The following TNS1 variants were observed in gnomAD, a reference collection of about 807,000 sequenced individuals.
TNS1 encodes tensin 1, also known as tensin-1.
A neutral mutation model predicts 168.6 loss-of-function variants in TNS1; 62 were observed. That is an observed-to-expected ratio of 0.37 (90% CI 0.30 to 0.45). The LOEUF is 0.45. Among genes scored for constraint, TNS1 ranks in the 20% least tolerant of loss-of-function variants. The pLI, the probability that TNS1 is intolerant of heterozygous loss-of-function variation, is 1.00. For missense variants in TNS1, 2,240 were observed against 2,339.4 expected (o/e 0.96, Z 0.88); for synonymous variants, 934 against 933.2 (o/e 1.00, Z -0.02).
chr2:217,892,249 G>A (rs1951817135), intron 11 of TNS1, among the ~76,000 whole-genome samples: 1 of 152,066 alleles, frequency 6.6e-6, no homozygotes, highest in African/African-American at 2.4e-5. Flanking sequence ...ACAGGCACCT[G>A]CCCCACCATG....
intron 6 of TNS1, chr2:217,905,375 G>A: frequency 2.2e-6 from 1 of 452,416 alleles, no homozygotes; most frequent in Non-Finnish European, 4.4e-6. Context: ...TCCATGGGAT[G>A]CTGCCGCTTT....
At chr2:217,854,618 T>A (rs1368110577) in intron 18 of TNS1, among the ~76,000 whole-genome samples, 1 of 151,664 alleles carries the variant, frequency 6.6e-6, no homozygotes, top group African/African-American at 2.4e-5. Flanking sequence ...AAAGGAGGAG[T>A]GGGGAATCCA....
At chr2:217,860,467 AAACTATTG>A (rs1387624803) in intron 18 of TNS1, among the ~76,000 whole-genome samples, 48 of 152,258 alleles carry the variant, frequency 3.2e-4, no homozygotes, top group African/African-American at 1.1e-3. Context: ...CAGTTTGGAC[AAACTATTG>A]CAATTATCCT....
At position 217,821,839 on chromosome 2, in the gene TNS1, G is replaced by C. The variant is rs1469642761; in HGVS notation, c.3473C>G (p.Ala1158Gly). ...CCTCAGGGGTATCTCATGGCCATAG[G>C]CCTGGGTGGCTGGAGCACTAAAGCT... ...PKSFSAPATQ[A>G]YGHEIPLRNG... The change falls in exon 23 of 33, where the codon GCC becomes GGC. Residue 1158 changes from alanine (A) to glycine (G), a missense_variant. By Grantham distance (60) the Ala-to-Gly change is moderately conservative. Transcript: ENST00000682258. The C allele has an allele frequency of 1.3e-6, 2 of 1,583,444 alleles. No individual in the cohort carries two copies. The highest frequency in any genetic ancestry group is 2.7e-5 in the African/African-American group (2 of 73,704).
chr2:217,923,818 G>T (rs1955862560), intron 3 of TNS1, among the ~76,000 whole-genome samples: 1 of 152,232 alleles, frequency 6.6e-6, no homozygotes, highest in African/African-American at 2.4e-5. Flanking sequence ...TCTGGAGGCT[G>T]CGAGGTGGAG....
Position 217,848,905 on chromosome 2 carries a change from T to C in TNS1, c.1612A>G (p.Thr538Ala), listed in dbSNP as rs1045407127. ...SSDSGNSTAS[T>A]KTDKTDEPVP... is the part of the protein sequence containing the mutation. Reference sequence around the variant, plus strand: ...GGCTCGTCGGTCTTGTCGGTCTTGGTGGAGGCTGTGGAGTTGCCCGAGTCG... The same window carrying C: ...GGCTCGTCGGTCTTGTCGGTCTTGGCGGAGGCTGTGGAGTTGCCCGAGTCG... Residue 538 changes from threonine (T) to alanine (A), a missense_variant, in exon 19 of 33, where the codon ACC becomes GCC. Transcript: ENST00000682258. The C allele has an allele frequency of 3.1e-6, 5 of 1,614,004 alleles. No homozygotes were observed. In the African/African-American group the frequency reaches 5.3e-5, roughly 17 times the overall value.
intron 21 of TNS1, among the ~76,000 whole-genome samples, chr2:217,834,874 C>T (rs951576727): frequency 6.6e-5 from 10 of 152,162 alleles, no homozygotes; most frequent in South Asian, 2.1e-4. Flanking sequence ...AAAACTGGGG[C>T]GGCTGCACCC....
At chr2:218,028,349 G>A (rs549287541) in intron 1 of TNS1, among the ~76,000 whole-genome samples, 11 of 152,222 alleles carry the variant, frequency 7.2e-5, no homozygotes, top group Admixed American at 2.6e-4. Flanking sequence ...GCTCCACCCC[G>A]TACAGCAGGC....
At chr2:217,867,778 T>C (rs934538013) in intron 18 of TNS1, among the ~76,000 whole-genome samples, 2 of 152,352 alleles carry the variant, frequency 1.3e-5, no homozygotes, top group East Asian at 3.9e-4. Flanking sequence ...TCTCCAGATA[T>C]TTGTCTGGCC....
Position 217,813,198 on chromosome 2 carries a change from G to A in TNS1, c.4954+17C>T, listed in dbSNP as rs749389132. 3.8e-6 allele frequency: 6 copies of A among 1,584,130 alleles called. No individual in the cohort carries two copies. Among genetic ancestry groups the A allele is most frequent in the Non-Finnish European group, 5.2e-6 (6 of 1,159,896 alleles). Reference sequence around the variant, plus strand: ...CTCAGGCCAGACTGTAGAGATGGGGGCAGGGGGACAGCTCACCGAAGTTTG... The same window carrying A: ...CTCAGGCCAGACTGTAGAGATGGGGACAGGGGGACAGCTCACCGAAGTTTG... On this transcript the variant is annotated intron_variant, in intron 27 of 32. Coordinates refer to ENST00000682258, the MANE Select transcript of TNS1 (RefSeq NM_001387777.1). This position sits in a 1 kb window ranked among gnomAD's most constrained non-coding sequence, Gnocchi z 4.0.
rs151234211 is a variant in TNS1 at position 217,820,382 on chromosome 2, C to T, written c.3572+1358G>A. ...GGCCAGAGTCAGGCCTCCTGAGCAA[C>T]GCAGGCTGCTGCCTGTTAAGAGGCT... is the stretch of plus-strand genomic sequence containing the variant. On this transcript the variant is annotated intron_variant, in intron 23 of 32. Coordinates refer to ENST00000682258, the MANE Select transcript of TNS1 (RefSeq NM_001387777.1). Among the ~76,000 whole-genome samples, 18 of 152,300 alleles carry T rather than the reference C, an allele frequency of 1.2e-4. No homozygotes were observed. The East Asian group carries it at 2.3e-3, about 20-fold the overall frequency.
At chr2:217,849,110 G>C (rs1234281280) in intron 18 of TNS1, 23 bp from the exon 19 acceptor site, 2 of 1,594,484 alleles carry the variant, frequency 1.3e-6, no homozygotes, top group Non-Finnish European at 1.7e-6. Context: ...GAGCCGGAGG[G>C]GAGACAACAG....
intron 4 of TNS1, among the ~76,000 whole-genome samples, chr2:217,914,098 G>T (rs889344984): frequency 2.0e-5 from 3 of 151,924 alleles, no homozygotes; most frequent in Admixed American, 2.0e-4. Flanking sequence ...TCTTCTATTT[G>T]TTCCAGACTT....
intron 23 of TNS1, among the ~76,000 whole-genome samples, chr2:217,821,477 C>A (rs1942834989): frequency 6.6e-6 from 1 of 152,154 alleles, no homozygotes; most frequent in Admixed American, 6.5e-5. Flanking sequence ...ACCGTGGTAC[C>A]CTTCACTCCT....
chr2:218,011,047 A>G (rs1040709210), upstream of TNS1, among the ~76,000 whole-genome samples: 1 of 151,992 alleles, frequency 6.6e-6, no homozygotes, highest in Non-Finnish European at 1.5e-5. Context: ...GTTGGAAGGG[A>G]CCCTGCCTGG....
chr2:217,839,162 C>A (rs1193641503), intron 19 of TNS1, among the ~76,000 whole-genome samples: 1 of 151,988 alleles, frequency 6.6e-6, no homozygotes, highest in African/African-American at 2.4e-5. Flanking sequence ...CTCAGAACCT[C>A]TAGGGCCAGC....
In TNS1 at chr2:217,848,329, T is replaced by C; in HGVS notation, c.2188A>G (p.Thr730Ala). 1 of 1,537,290 alleles carries C rather than the reference T, an allele frequency of 6.5e-7. No individual in the cohort carries two copies. Residue 730 changes from threonine to alanine, a missense_variant, in exon 19 of 33, where the codon ACC (threonine) becomes GCC (alanine). Transcript: ENST00000682258. Reference protein sequence around the residue: ...GPHPAWPQPVTTSHYAHDPSG... With the variant: ...GPHPAWPQPVATSHYAHDPSG... The stretch of plus-strand genomic sequence containing the variant: ...GGGTCATGGGCATAGTGGGAGGTGG[T>C]CACTGGCTGTGGCCAGGCTGGGTGG...
chr2:217,858,363 G>T, intron 18 of TNS1: 1 of 232,318 alleles, frequency 4.3e-6, no homozygotes, highest in Non-Finnish European at 7.1e-6. Flanking sequence ...GCCCTTCCAA[G>T]GTGGGGTCGT....
At position 217,849,274 on chromosome 2, in the gene TNS1, C is replaced by T. The variant is rs1452012798; in HGVS notation, c.1430-187G>A. On this transcript the variant is annotated intron_variant, in intron 18 of 32. Coordinates refer to ENST00000682258, the MANE Select transcript of TNS1 (RefSeq NM_001387777.1). ...AAGACCTCTACCCCAGGCTTTGGGG[C>T]AGAGCCTCACCAACACTCAGCTTCA... Among the ~76,000 whole-genome samples, 4 of 152,208 alleles carry T rather than the reference C, an allele frequency of 2.6e-5. No homozygotes were observed. The East Asian group carries it at 5.8e-4, about 22-fold the overall frequency.
Sources: allele counts gnomAD v4.1 joint callset (sites outside exome capture counted in the v4.1 genomes callset), GRCh38; gene constraint gnomAD v4.1.1; non-coding constraint Gnocchi (gnomAD v3.1); transcripts MANE v1.5; gene names NCBI Gene and HGNC (gene_info 2026-07-23, HGNC 2026-07-21).